The following IARS1 variants were observed in gnomAD, a reference collection of about 807,000 sequenced individuals.
The protein encoded by IARS1 is isoleucyl-tRNA synthetase 1.
Under a neutral mutation model 168.2 loss-of-function variants are expected in IARS1, and 124 were observed. The ratio of observed to expected loss-of-function variants is 0.74; its 90% confidence interval spans 0.64 to 0.86. The LOEUF is 0.86. Ranked by LOEUF, IARS1 falls within the 40% of genes least tolerant of loss-of-function variation. The pLI is 0.00. For synonymous variants in IARS1, 532 were observed against 529.4 expected, an observed-to-expected ratio of 1.00 and a Z score of -0.07; for missense variants, 1,452 against 1,515.8, an observed-to-expected ratio of 0.96 and a Z score of 0.70.
chr9:92,265,090 C>T lies in IARS1; in HGVS notation c.1539G>A (p.Gly513=). The change falls in exon 16 of 34, where the codon GGG becomes GGA. Residue 513 remains glycine, a synonymous_variant. Coordinates refer to ENST00000443024, the MANE Select transcript of IARS1 (RefSeq NM_002161.6). ...VDHLTIPSRC[G]KGSLHRISEV... is the part of the protein sequence containing the mutation. ...CAGAGATGCGGTGCAAGGATCCCTT[C>T]CCACAGCGTGAAGGAATGGTCAGGT... The T allele has an allele frequency of 6.2e-7, 1 of 1,613,962 alleles. No homozygotes were observed. The highest frequency in any genetic ancestry group is 8.5e-7 in the Non-Finnish European group (1 of 1,179,918).
chr9:92,258,692 C>T lies in IARS1; in HGVS notation c.2016+162G>A, dbSNP rs560002417. The stretch of plus-strand genomic sequence containing the variant: ...CATAGCCCGGACCCTAGATACCTTC[C>T]GCACCTGCATGTATGGCCTCCCCAT... On this transcript the variant is annotated intron_variant, in intron 19 of 33. Transcript: ENST00000443024. Among the ~76,000 whole-genome samples the T allele has an allele frequency of 7.9e-5, 12 of 152,296 alleles. No individual in the cohort carries two copies. The East Asian group carries it at 1.4e-3, about 17-fold the overall frequency.
chr9:92,215,770 TG>T (rs1838569363), intron 33 of IARS1, among the ~76,000 whole-genome samples: 1 of 151,706 alleles, frequency 6.6e-6, no homozygotes, highest in Non-Finnish European at 1.5e-5. Flanking sequence ...TATGGGACTA[TG>T]TGAAAAGACC....
intron 33 of IARS1, among the ~76,000 whole-genome samples, 180 bp downstream of exon 33, chr9:92,222,340 C>CAAAAAAAAAAAAAAAAAAAAAAAAAAAAA: frequency 1.8e-5 from 1 of 55,372 alleles, no homozygotes; most frequent in Non-Finnish European, 3.2e-5. Context: ...GACTCAGTCT[C>CAAAAAAAAAAAAAAAAAAAAAAAAAAAAA]AAAAAAAAAA....
chr9:92,270,104 A>G (rs1279987355), intron 12 of IARS1, 121 bp from the exon 13 acceptor site: 2 of 582,886 alleles, frequency 3.4e-6, no homozygotes, highest in Non-Finnish European at 6.2e-6. Context: ...GCTAATATTC[A>G]TTTTTATTAT....
In IARS1 at chr9:92,223,400, T is replaced by C. The variant is rs374633832; in HGVS notation, c.3499A>G (p.Ser1167Gly). Residue 1167 changes from serine to glycine, a missense_variant, in exon 32 of 34, where the codon AGT (serine) becomes GGT (glycine). Coordinates refer to ENST00000443024, the MANE Select transcript of IARS1 (RefSeq NM_002161.6). ...TTGATATACTGACAAAGAAGAGTAC[T>C]AGAACTGTTGATCAGAGAGGGAGCC... ...GSAPSLINSS[S>G]TLLCQYINLQ... 3.1e-6 allele frequency: 5 copies of C among 1,613,888 alleles called. No individual in the cohort carries two copies. In the African/African-American group the frequency reaches 6.7e-5, roughly 22 times the overall value.
chr9:92,251,892 A>G lies in IARS1; in HGVS notation c.2230-7T>C. 6.3e-7 allele frequency: 1 copy of G among 1,596,934 alleles called. No homozygotes were observed. The highest frequency in any genetic ancestry group is 8.6e-7 in the Non-Finnish European group (1 of 1,164,642). On this transcript the variant is annotated splice_region_variant and splice_polypyrimidine_tract_variant and intron_variant, in intron 21 of 33. Coordinates refer to ENST00000443024, the MANE Select transcript of IARS1 (RefSeq NM_002161.6). ...CCTCCATCCCATTTTCACCCTAATG[A>G]GTAAAAAGGAAACATAAACATTAAA...
rs1829808249 is a variant in IARS1 at position 92,250,196 on chromosome 9, A to T, written c.2523T>A (p.Ile841=). 6.3e-7 allele frequency: 1 copy of T among 1,599,242 alleles called. No individual in the cohort carries two copies. ...LGRVIRDRKT[I]PIKYPLKEIV... ...AAGTAAAATTTCAAACCTTTATGGGAATAGTTTTTCGGTCTCTGATCACTC... is the reference window on the plus strand; with the variant it reads ...AAGTAAAATTTCAAACCTTTATGGGTATAGTTTTTCGGTCTCTGATCACTC... The change falls in exon 24 of 34, where the codon ATT becomes ATA. Residue 841 remains isoleucine (I), a synonymous_variant. Coordinates refer to ENST00000443024, the MANE Select transcript of IARS1 (RefSeq NM_002161.6).
intron 28 of IARS1, 78 bp from the exon 29 acceptor site, chr9:92,242,408 G>T: frequency 8.7e-7 from 1 of 1,146,418 alleles, no homozygotes; most frequent in Non-Finnish European, 1.2e-6. Context: ...TGTTGAACAA[G>T]GGCTACAGAT....
chr9:92,287,631 G>T, intron 4 of IARS1, 160 bp downstream of exon 4: 1 of 705,348 alleles, frequency 1.4e-6, no homozygotes, highest in Non-Finnish European at 2.2e-6. Context: ...AGATGGTTCA[G>T]TTTAAGCTAA....
At chr9:92,215,220 C>T (rs1368839549) in intron 33 of IARS1, among the ~76,000 whole-genome samples, 4 of 152,122 alleles carry the variant, frequency 2.6e-5, no homozygotes, top group Non-Finnish European at 5.9e-5. Flanking sequence ...TCCTGTCTGT[C>T]AGAAGGAAAA....
chr9:92,222,026 T>A (rs540357297), intron 33 of IARS1, among the ~76,000 whole-genome samples: 71 of 152,184 alleles, frequency 4.7e-4, no homozygotes, highest in African/African-American at 1.6e-3. Flanking sequence ...TATTAAAAAA[T>A]TATATTATTG....
chr9:92,291,319 T>G (rs1256342250), intron 1 of IARS1, among the ~76,000 whole-genome samples: 3 of 152,148 alleles, frequency 2.0e-5, no homozygotes, highest in Non-Finnish European at 4.4e-5. Context: ...TAATCAACTC[T>G]ACAGGAAAAG....
At chr9:92,265,856 G>A (rs1302460372) in intron 14 of IARS1, among the ~76,000 whole-genome samples, 3 of 151,850 alleles carry the variant, frequency 2.0e-5, no homozygotes, top group East Asian at 1.9e-4. Flanking sequence ...ACAGGGTTTC[G>A]CCATGCTGCC....
intron 1 of IARS1, among the ~76,000 whole-genome samples, chr9:92,291,216 C>G (rs925396188): frequency 1.3e-5 from 2 of 151,898 alleles, no homozygotes; most frequent in African/African-American, 4.8e-5. Context: ...CTTTCCAAGT[C>G]AGTATCAGAT....
intron 31 of IARS1, among the ~76,000 whole-genome samples, chr9:92,226,134 A>T (rs887877764): frequency 1.3e-5 from 2 of 152,216 alleles, no homozygotes; most frequent in African/African-American, 4.8e-5. Flanking sequence ...ACCTGGTTAG[A>T]GATTTTTCTC....
intron 30 of IARS1, among the ~76,000 whole-genome samples, chr9:92,236,907 T>A (rs550389565): frequency 1.3e-5 from 2 of 152,356 alleles, no homozygotes; most frequent in South Asian, 4.1e-4. Context: ...GCAATCTGTA[T>A]CAATAATTCT....
At chr9:92,260,694 A>G (rs903275910) in intron 17 of IARS1, among the ~76,000 whole-genome samples, 1 of 152,054 alleles carries the variant, frequency 6.6e-6, no homozygotes, top group African/African-American at 2.4e-5. Flanking sequence ...ATGGTAAGAT[A>G]TTTTGTTAAT....
intron 20 of IARS1, among the ~76,000 whole-genome samples, chr9:92,254,061 C>T (rs1830391827): frequency 6.6e-6 from 1 of 152,200 alleles, no homozygotes; most frequent in Non-Finnish European, 1.5e-5. Context: ...AGCACAGCCC[C>T]ACCACAGAGG....
intron 7 of IARS1, 65 bp from the exon 8 acceptor site, chr9:92,278,351 G>C: frequency 9.4e-7 from 1 of 1,069,512 alleles, no homozygotes; most frequent in Non-Finnish European, 1.5e-6. Flanking sequence ...CCAAAGACAT[G>C]CATCAAGCAT....
Sources: gnomAD v4.1 joint callset for allele counts (sites outside exome capture counted in the v4.1 genomes callset) on GRCh38, gnomAD v4.1.1 for gene constraint, MANE v1.5 for transcripts, NCBI Gene and HGNC (gene_info 2026-07-23, HGNC 2026-07-21) for gene names.